Variants in PCDHGA2 observed in about 807,000 individuals in gnomAD.
PCDHGA2 encodes protocadherin gamma subfamily A, 2.
A neutral mutation model predicts 59.2 loss-of-function variants in PCDHGA2; 40 were observed. The observed-to-expected ratio is 0.68, with a 90% CI of 0.52 to 0.88. PCDHGA2 has a LOEUF of 0.88. Among genes scored for constraint, PCDHGA2 ranks in the 40% least tolerant of loss-of-function variants. The pLI is 0.00. For synonymous variants in PCDHGA2, 560 were observed against 526.0 expected, an observed-to-expected ratio of 1.06 and a Z score of -0.89; for missense variants, 1,226 against 1,204.0, an observed-to-expected ratio of 1.02 and a Z score of -0.27.
At chr5:141,356,994 A>G (rs1760422746) in intron 1 of PCDHGA2, 1 of 1,614,140 alleles carries the variant, frequency 6.2e-7, no homozygotes, top group Admixed American at 1.7e-5. Flanking sequence ...ACAGAGACTC[A>G]GGTCAGAATG....
intron 1 of PCDHGA2, among the ~76,000 whole-genome samples, chr5:141,446,714 G>T (rs193229261): frequency 2.6e-5 from 4 of 152,044 alleles, no homozygotes; most frequent in African/African-American, 9.7e-5. Flanking sequence ...TGATCTGCCC[G>T]CCTCGGCCTC....
intron 1 of PCDHGA2, among the ~76,000 whole-genome samples, chr5:141,439,380 G>C (rs1324859898): frequency 6.6e-6 from 1 of 152,158 alleles, no homozygotes; most frequent in East Asian, 1.9e-4. Flanking sequence ...ATAAAAATAA[G>C]TCATCACTTC....
chr5:141,407,661 T>G (rs964293417), intron 1 of PCDHGA2, among the ~76,000 whole-genome samples: 13 of 152,164 alleles, frequency 8.5e-5, no homozygotes, highest in African/African-American at 2.7e-4. Flanking sequence ...GAGCGCAGTA[T>G]ATATTAAACA....
At chr5:141,383,767 A>G (rs1779455066) in intron 1 of PCDHGA2, 2 of 1,613,886 alleles carry the variant, frequency 1.2e-6, no homozygotes, top group South Asian at 2.2e-5. Flanking sequence ...TAAACTTCCA[A>G]AGATGTTTCA....
chr5:141,455,798 T>TA (rs2098831882), intron 1 of PCDHGA2, among the ~76,000 whole-genome samples: 1 of 152,036 alleles, frequency 6.6e-6, no homozygotes, highest in African/African-American at 2.4e-5. Flanking sequence ...GGAGATGCTT[T>TA]AAAAAATGAA....
intron 1 of PCDHGA2, chr5:141,394,616 C>T (rs2093043198): frequency 1.2e-6 from 2 of 1,613,490 alleles, no homozygotes; most frequent in East Asian, 2.2e-5. Flanking sequence ...CGGGCCAGAA[C>T]GCCTGGCTGT....
chr5:141,411,921 T>C (rs1426892834), intron 1 of PCDHGA2: 1 of 152,234 alleles, frequency 6.6e-6, no homozygotes, highest in Non-Finnish European at 1.5e-5. Context: ...TCAGTCTCTG[T>C]CTCTGATTCT....
intron 1 of PCDHGA2, chr5:141,428,502 G>T: frequency 7.1e-6 from 2 of 282,686 alleles, no homozygotes; most frequent in Non-Finnish European, 6.9e-6. Flanking sequence ...ATGTTCCCTC[G>T]GATTCTAGAA....
chr5:141,418,498 C>T (rs181453589), intron 1 of PCDHGA2: 10 of 1,613,968 alleles, frequency 6.2e-6, no homozygotes, highest in East Asian at 2.2e-5. Context: ...TGGTACTGAC[C>T]GCCTTAGATG....
At chr5:141,483,122 A>G (rs1159736878) in intron 1 of PCDHGA2, among the ~76,000 whole-genome samples, 1 of 152,166 alleles carries the variant, frequency 6.6e-6, no homozygotes, top group Non-Finnish European at 1.5e-5. Context: ...CAGTCTTTGT[A>G]GGAGATGAGG....
At chr5:141,399,512 C>T (rs2093823931) in intron 1 of PCDHGA2, 1 of 1,614,044 alleles carries the variant, frequency 6.2e-7, no homozygotes, top group East Asian at 2.2e-5. Context: ...GAAAACAACC[C>T]TCCTGGGGCC....
intron 1 of PCDHGA2, among the ~76,000 whole-genome samples, chr5:141,465,907 G>C (rs1367648934): frequency 6.6e-6 from 1 of 152,056 alleles, no homozygotes; most frequent in East Asian, 1.9e-4. Flanking sequence ...CAAATCACGA[G>C]GTCAGGATTT....
chr5:141,444,238 C>T (rs1011385887), intron 1 of PCDHGA2, among the ~76,000 whole-genome samples: 6 of 125,052 alleles, frequency 4.8e-5, no homozygotes, highest in Non-Finnish European at 9.4e-5. Context: ...ATGGCATGCT[C>T]TCGGCTCACT....
In PCDHGA2 at chr5:141,340,425, C is replaced by T. The variant is rs776911613; in HGVS notation, c.1454C>T (p.Ala485Val). 5.0e-6 allele frequency: 8 copies of T among 1,614,236 alleles called. No individual in the cohort carries two copies. In the Admixed American group the frequency reaches 8.3e-5, roughly 17 times the overall value. ...TAHDPDSNDNAHVTYSFAEDT... is the reference protein window; with the variant it reads ...TAHDPDSNDNVHVTYSFAEDT... ...CATGACCCCGACAGCAACGACAATG[C>T]TCATGTAACTTACTCTTTCGCGGAG... Residue 485 changes from alanine (A) to valine (V), a missense_variant, in exon 1 of 4, where the codon GCT becomes GTT. Transcript: ENST00000394576.
At chr5:141,421,069 AGATG>A in intron 1 of PCDHGA2, 1 of 598,532 alleles carries the variant, frequency 1.7e-6, no homozygotes, top group Non-Finnish European at 2.8e-6. Context: ...AAGCGGAATG[AGATG>A]GATACTCACA....
rs115262984 is a variant in PCDHGA2 at position 141,463,089 on chromosome 5, C to T, written c.2425-31718C>T. ...AATGAAATTCAAACATTTTCCAGCC[C>T]TATGTGACCATCAAGAATTCAGCTA... On this transcript the variant is annotated intron_variant, in intron 1 of 3. Coordinates refer to ENST00000394576, the MANE Select transcript of PCDHGA2 (RefSeq NM_018915.4). Among the ~76,000 whole-genome samples the T allele has an allele frequency of 2.5e-3, 374 of 152,264 alleles. 2 individuals are homozygous for T. Among genetic ancestry groups the T allele is most frequent in the African/African-American group, 8.7e-3 (360 of 41,552 alleles).
rs774271747 is a variant in PCDHGA2 at position 141,485,866 on chromosome 5, C to A, written c.2425-8941C>A. On this transcript the variant is annotated intron_variant, in intron 1 of 3. Coordinates refer to ENST00000394576, the MANE Select transcript of PCDHGA2 (RefSeq NM_018915.4). The surrounding 1 kb of genome is among the most constrained non-coding windows in gnomAD (Gnocchi z 5.7). Reference sequence around the variant, plus strand: ...CTGGCACCGCAGAGCTCCGGGTATCCGTGCTGGACGTAAACGACAACGCCC... The same window carrying A: ...CTGGCACCGCAGAGCTCCGGGTATCAGTGCTGGACGTAAACGACAACGCCC... 2 of 1,614,144 alleles carry A rather than the reference C, an allele frequency of 1.2e-6. No homozygotes were observed. Among genetic ancestry groups the A allele is most frequent in the South Asian group, 1.1e-5 (1 of 91,074 alleles).
chr5:141,421,537 T>C (rs11167744), intron 1 of PCDHGA2: 139,246 of 1,613,908 alleles, frequency 0.086, 6,702 homozygotes, highest in East Asian at 0.14. Context: ...GTCCTCCTGT[T>C]TTTTAAATAT....
chr5:141,431,297 C>T lies in PCDHGA2; in HGVS notation c.2425-63510C>T. The T allele has an allele frequency of 6.2e-7, 1 of 1,614,126 alleles. No homozygotes were observed. The highest frequency in any genetic ancestry group is 8.5e-7 in the Non-Finnish European group (1 of 1,180,036). Reference sequence around the variant, plus strand: ...GCTCAGCCCGAACACTCACTTCTCCCTCATCGTGCAAAATGGAGCCGACGG... The same window carrying T: ...GCTCAGCCCGAACACTCACTTCTCCTTCATCGTGCAAAATGGAGCCGACGG... On this transcript the variant is annotated intron_variant, in intron 1 of 3. Coordinates refer to ENST00000394576, the MANE Select transcript of PCDHGA2 (RefSeq NM_018915.4). This position sits in a 1 kb window ranked among gnomAD's most constrained non-coding sequence, Gnocchi z 4.8.
Sources: gnomAD v4.1 joint callset for allele counts (sites outside exome capture counted in the v4.1 genomes callset) on GRCh38, gnomAD v4.1.1 for gene constraint, Gnocchi (gnomAD v3.1) non-coding constraint, MANE v1.5 for transcripts, NCBI Gene and HGNC (gene_info 2026-07-23, HGNC 2026-07-21) for gene names.